The following TUT4 variants were observed in gnomAD, a reference collection of about 807,000 sequenced individuals.
TUT4 encodes terminal uridylyltransferase 4.
In TUT4, 36 loss-of-function variants were observed where a neutral mutation model predicts 192.2. That is an observed-to-expected ratio of 0.19 (90% CI 0.14 to 0.25). The LOEUF (loss-of-function observed/expected upper bound fraction) is 0.25. TUT4 is among the 10% of genes least tolerant of loss of function. The probability of loss-of-function intolerance (pLI) is 1.00; values close to 1 mark genes in which losing one functional copy is unlikely to be tolerated. For missense variants in TUT4, 1,493 were observed against 1,957.2 expected (o/e 0.76, Z 4.47); for synonymous variants, 618 against 666.0 (o/e 0.93, Z 1.11).
chr1:52,444,228 G>A (rs1656656948), intron 24 of TUT4, among the ~76,000 whole-genome samples: 2 of 151,956 alleles, frequency 1.3e-5, no homozygotes, highest in East Asian at 1.9e-4. Context: ...GCGAGACTCC[G>A]TCTCAAAAAA....
At chr1:52,519,440 T>C (rs1392922585) in intron 2 of TUT4, among the ~76,000 whole-genome samples, 1 of 152,108 alleles carries the variant, frequency 6.6e-6, no homozygotes, top group African/African-American at 2.4e-5. Context: ...AATTAGATAG[T>C]GATGGCAGCG....
At chr1:52,490,475 T>C (rs187402263) in intron 8 of TUT4, among the ~76,000 whole-genome samples, 7 of 152,090 alleles carry the variant, frequency 4.6e-5, no homozygotes, top group Non-Finnish European at 1.0e-4. Flanking sequence ...GCAATACTCT[T>C]GGGTGAGTGA....
chr1:52,550,742 G>A (rs185225927), intron 1 of TUT4, among the ~76,000 whole-genome samples: 8 of 152,080 alleles, frequency 5.3e-5, no homozygotes, highest in East Asian at 3.9e-4. Context: ...CAATCCTCTC[G>A]CCTCCACTTC....
chr1:52,497,462 C>T (rs1672741145), intron 4 of TUT4, among the ~76,000 whole-genome samples: 1 of 152,170 alleles, frequency 6.6e-6, no homozygotes, highest in South Asian at 2.1e-4. Flanking sequence ...ACATTAAAGC[C>T]AAGGTACCTT....
At chr1:52,466,645 C>T (rs1183245395) in intron 15 of TUT4, among the ~76,000 whole-genome samples, 1 of 118,350 alleles carries the variant, frequency 8.4e-6, no homozygotes, top group Non-Finnish European at 1.7e-5. Context: ...TATCCTATTT[C>T]AAAAAAAAAA....
At chr1:52,534,846 G>A (rs1323373029) in intron 1 of TUT4, 2 of 152,162 alleles carry the variant, frequency 1.3e-5, no homozygotes, top group African/African-American at 2.4e-5. Context: ...CTGGGCGACA[G>A]TGCAACACCC....
At chr1:52,497,206 C>T (rs1466278212) in intron 4 of TUT4, 23 bp from the exon 5 acceptor site, 1 of 1,547,454 alleles carries the variant, frequency 6.5e-7, no homozygotes, top group African/African-American at 1.4e-5. Context: ...TGATTCACAA[C>T]AATAAAAACA....
chr1:52,427,088 C>CTA (rs1484610462), intron 28 of TUT4, among the ~76,000 whole-genome samples: 9 of 152,046 alleles, frequency 5.9e-5, no homozygotes, highest in African/African-American at 1.9e-4. Context: ...GAAAACTAAA[C>CTA]TCACTACTAG....
At chr1:52,479,856 T>A (rs555022070) in intron 11 of TUT4, among the ~76,000 whole-genome samples, 109 of 152,070 alleles carry the variant, frequency 7.2e-4, no homozygotes, top group Admixed American at 6.5e-3. Flanking sequence ...TAGCCGGGCA[T>A]GGTGGCCGGG....
intron 27 of TUT4, chr1:52,434,419 T>G (rs1653091604): frequency 1.3e-5 from 2 of 152,244 alleles, no homozygotes; most frequent in African/African-American, 2.4e-5. Flanking sequence ...TTAAATTTGC[T>G]AAGTGTAAAG....
chr1:52,486,910 A>G (rs1366184415), intron 9 of TUT4, among the ~76,000 whole-genome samples: 1 of 152,198 alleles, frequency 6.6e-6, no homozygotes, highest in Non-Finnish European at 1.5e-5. Flanking sequence ...AACACAGACT[A>G]CTTATTTTAC....
chr1:52,457,920 T>G (rs1661441639), intron 20 of TUT4, among the ~76,000 whole-genome samples: 1 of 152,188 alleles, frequency 6.6e-6, no homozygotes, highest in Non-Finnish European at 1.5e-5. Context: ...TTCACAAGGT[T>G]GACCAAAGTA....
chr1:52,439,706 A>T lies in TUT4; in HGVS notation c.3823-1371T>A, dbSNP rs1464590184. On this transcript the variant is annotated intron_variant, in intron 24 of 29. Coordinates refer to ENST00000257177, the MANE Select transcript of TUT4 (RefSeq NM_001009881.3). Reference sequence around the variant, plus strand: ...GAATGTAAAGTAGCACAGCCACTTTAGAAAACAGTTCCTTGAAAAGTTAAA... The same window carrying T: ...GAATGTAAAGTAGCACAGCCACTTTTGAAAACAGTTCCTTGAAAAGTTAAA... Among the ~76,000 whole-genome samples, 4 of 152,238 alleles carry T rather than the reference A, an allele frequency of 2.6e-5. No homozygotes were observed. In the East Asian group the frequency reaches 7.7e-4, roughly 29 times the overall value.
chr1:52,431,433 G>A lies in TUT4; in HGVS notation c.4291C>T (p.Pro1431Ser). ...GAAGAGTTCTGTGGAAATGGCTGAG[G>A]CTGAGGAGAATAAGATGGTGATTCA... ...CSESPSYSPQ[P>S]QPFPQNSSQS... Residue 1431 changes from proline (P) to serine (S), a missense_variant, in exon 28 of 30, where the codon CCT (proline) becomes TCT (serine). Physicochemically the swap from Pro to Ser is moderately conservative, Grantham distance 74. Around this residue, in one of 7 missense-constraint regions of TUT4, gnomAD observed 351 missense variants for 397.8 expected, o/e 0.88. Transcript: ENST00000257177. The A allele has an allele frequency of 1.2e-6, 2 of 1,611,856 alleles. No individual in the cohort carries two copies. Among genetic ancestry groups the A allele is most frequent in the Non-Finnish European group, 1.7e-6 (2 of 1,178,284 alleles).
chr1:52,527,015 C>G (rs1456105981), intron 1 of TUT4, among the ~76,000 whole-genome samples: 1 of 151,924 alleles, frequency 6.6e-6, no homozygotes, highest in African/African-American at 2.4e-5. Flanking sequence ...CAAGAAGGAA[C>G]GAAACTCCAT....
rs1473959190 is a variant in TUT4, at chr1:52,508,872, T to C, written c.999+724A>G. Reference sequence around the variant, plus strand: ...TATCTATGTCTATGGGATATTTCAATAGAAATAACTGAAAAATTACAAATT... The same window carrying C: ...TATCTATGTCTATGGGATATTTCAACAGAAATAACTGAAAAATTACAAATT... On this transcript the variant is annotated intron_variant, in intron 4 of 29. Coordinates refer to ENST00000257177, the MANE Select transcript of TUT4 (RefSeq NM_001009881.3). Among the ~76,000 whole-genome samples the C allele has an allele frequency of 2.0e-5, 3 of 152,214 alleles. No individual in the cohort carries two copies. The South Asian group carries it at 6.2e-4, about 31-fold the overall frequency.
chr1:52,429,089 T>TG (rs1245610262), intron 28 of TUT4, among the ~76,000 whole-genome samples: 93 of 147,986 alleles, frequency 6.3e-4, no homozygotes, highest in African/African-American at 2.1e-3. Context: ...TAGGTTTTTT[T>TG]TTTTTTTTTT....
intron 24 of TUT4, among the ~76,000 whole-genome samples, chr1:52,439,429 T>C (rs564586635): frequency 6.6e-6 from 1 of 152,354 alleles, no homozygotes; most frequent in East Asian, 1.9e-4. Context: ...ATTTCTGCTT[T>C]ATCTTTGCAC....
intron 1 of TUT4, among the ~76,000 whole-genome samples, chr1:52,545,150 T>A (rs1687738216): frequency 6.7e-6 from 1 of 148,276 alleles, no homozygotes; most frequent in South Asian, 2.1e-4. Flanking sequence ...CCGAAGTGAG[T>A]GGAACATTTG....
Sources: gnomAD v4.1 joint callset for allele counts (sites outside exome capture counted in the v4.1 genomes callset) on GRCh38, gnomAD v4.1.1 for gene constraint, gnomAD v4.1.1 regional missense constraint, MANE v1.5 for transcripts, NCBI Gene and HGNC (gene_info 2026-07-23, HGNC 2026-07-21) for gene names.